The following ITGA6 variants were observed in gnomAD, a reference collection of about 807,000 sequenced individuals.
The protein encoded by ITGA6 is integrin alpha-6.
In ITGA6, 63 loss-of-function variants were observed where a neutral mutation model predicts 133.6. The observed-to-expected ratio is 0.47, with a 90% CI of 0.38 to 0.58. The LOEUF (loss-of-function observed/expected upper bound fraction) is 0.58. Among genes scored for constraint, ITGA6 ranks in the 20% least tolerant of loss-of-function variants. The pLI, the probability that ITGA6 is intolerant of heterozygous loss-of-function variation, is 0.00. For synonymous variants in ITGA6, 434 were observed against 482.0 expected (o/e 0.90, Z 1.30); for missense variants, 1,068 against 1,309.4 (o/e 0.82, Z 2.85).
chr2:172,476,606 C>T, intron 9 of ITGA6, 93 bp downstream of exon 9: 1 of 794,604 alleles, frequency 1.3e-6, no homozygotes, highest in Non-Finnish European at 2.3e-6. Flanking sequence ...CATACCTATA[C>T]TTCAAAGGTT....
At chr2:172,498,825 T>A (rs1046884182) in intron 24 of ITGA6, among the ~76,000 whole-genome samples, 19 of 152,306 alleles carry the variant, frequency 1.2e-4, no homozygotes, top group African/African-American at 3.4e-4. Context: ...TATCTGCCAT[T>A]CCAAAAAGCT....
At chr2:172,494,943 T>TAAATTCAGAGAACAACTTA (rs960664139) in intron 23 of ITGA6, among the ~76,000 whole-genome samples, 1 of 152,254 alleles carries the variant, frequency 6.6e-6, no homozygotes, top group African/African-American at 2.4e-5. Context: ...CTTTTGGCTC[T>TAAATTCAGAGAACAACTTA]AAATTCAGAG....
At chr2:172,443,883 T>TC (rs1684642396) in intron 1 of ITGA6, among the ~76,000 whole-genome samples, 1 of 152,166 alleles carries the variant, frequency 6.6e-6, no homozygotes, top group African/African-American at 2.4e-5. Context: ...CAGGTGATCC[T>TC]CCCGCCTCGG....
At chr2:172,450,897 ATATATT>A (rs1389731223) in intron 1 of ITGA6, among the ~76,000 whole-genome samples, 3 of 147,030 alleles carry the variant, frequency 2.0e-5, no homozygotes, top group Non-Finnish European at 4.5e-5. Context: ...ATATACAAAT[ATATATT>A]TATATTATAT....
At chr2:172,483,563 A>G (rs1686539978) in intron 11 of ITGA6, among the ~76,000 whole-genome samples, 1 of 152,174 alleles carries the variant, frequency 6.6e-6, no homozygotes, top group Non-Finnish European at 1.5e-5. Flanking sequence ...GTATTGGCCC[A>G]TGAAAAACAA....
chr2:172,470,075 G>C (rs183731918), intron 4 of ITGA6, among the ~76,000 whole-genome samples: 291 of 152,254 alleles, frequency 1.9e-3, no homozygotes, highest in Non-Finnish European at 3.2e-3. Context: ...ATCTGATTTG[G>C]AAATAAGCCA....
intron 5 of ITGA6, chr2:172,472,649 A>G (rs1205844458): frequency 3.1e-6 from 2 of 646,222 alleles, no homozygotes; most frequent in South Asian, 3.6e-5. Context: ...GAAGCTGGCA[A>G]TGAGAGCAGC....
chr2:172,437,006 G>C (rs1227292753), intron 1 of ITGA6, among the ~76,000 whole-genome samples: 1 of 152,142 alleles, frequency 6.6e-6, no homozygotes, highest in African/African-American at 2.4e-5. Context: ...GGGCTGCCTG[G>C]GAAGACTTTG....
chr2:172,499,930 TTTTG>T (rs1293004233), intron 24 of ITGA6, among the ~76,000 whole-genome samples: 1 of 96,314 alleles, frequency 1.0e-5, no homozygotes, highest in Non-Finnish European at 1.8e-5. Context: ...GGAGTTTTTG[TTTTG>T]TTTTTGTTTT....
intron 9 of ITGA6, among the ~76,000 whole-genome samples, chr2:172,479,037 A>G (rs772940977): frequency 2.6e-5 from 4 of 152,226 alleles, no homozygotes; most frequent in Non-Finnish European, 5.9e-5. Context: ...AATTTATCCC[A>G]CAGATAAACT....
intron 1 of ITGA6, among the ~76,000 whole-genome samples, chr2:172,445,345 T>C (rs1370283763): frequency 6.7e-6 from 1 of 149,420 alleles, no homozygotes; most frequent in Non-Finnish European, 1.5e-5. Flanking sequence ...TTTCTTTTTT[T>C]TTTTTTAACA....
intron 13 of ITGA6, among the ~76,000 whole-genome samples, chr2:172,486,016 A>C (rs1375560315): frequency 2.0e-5 from 3 of 152,070 alleles, no homozygotes; most frequent in South Asian, 2.1e-4. Context: ...GTCTCTAGTG[A>C]AAATACAAAA....
chr2:172,490,220 A>G (rs1686861967), intron 20 of ITGA6, among the ~76,000 whole-genome samples: 1 of 152,198 alleles, frequency 6.6e-6, no homozygotes, highest in Admixed American at 6.5e-5. Context: ...AGATGAGGAC[A>G]TTAAGATTCA....
At chr2:172,461,441 C>T (rs577359765) in intron 1 of ITGA6, among the ~76,000 whole-genome samples, 5 of 152,314 alleles carry the variant, frequency 3.3e-5, no homozygotes, top group African/African-American at 1.2e-4. Context: ...CTTGCCTTGA[C>T]CGCATATGGG....
At position 172,445,385 on chromosome 2, in the gene ITGA6, C is replaced by T. The variant is rs1684720799; in HGVS notation, c.182+17415C>T. On this transcript the variant is annotated intron_variant, in intron 1 of 25. Coordinates refer to ENST00000684293, the MANE Select transcript of ITGA6 (RefSeq NM_000210.4). ...AAAAAAAAGGCCGGGCGCGGTGGCT[C>T]ACGCCTGTAATCCCAGCACTTTGGG... 2.8e-5 allele frequency among the ~76,000 whole-genome samples: 4 copies of T among 145,020 alleles called. No homozygotes were observed. The South Asian group carries it at 6.5e-4, about 24-fold the overall frequency.
At chr2:172,476,350 C>G (rs1288262221) in intron 8 of ITGA6, 45 bp from the exon 9 acceptor site, 3 of 1,003,240 alleles carry the variant, frequency 3.0e-6, no homozygotes, top group Non-Finnish European at 4.8e-6. Context: ...TTAAGAAGCT[C>G]ATGGTGATAA....
At chr2:172,483,993 T>C (rs1413401473) in intron 11 of ITGA6, among the ~76,000 whole-genome samples, 1 of 152,142 alleles carries the variant, frequency 6.6e-6, no homozygotes, top group Non-Finnish European at 1.5e-5. Flanking sequence ...GTATTTTTAG[T>C]AGAGACAGGA....
At chr2:172,450,992 TAC>T (rs1684972203) in intron 1 of ITGA6, among the ~76,000 whole-genome samples, 1 of 148,284 alleles carries the variant, frequency 6.7e-6, no homozygotes, top group Non-Finnish European at 1.5e-5. Flanking sequence ...TGTATATATA[TAC>T]ACACACAAAA....
chr2:172,501,356 TTTA>T (rs1687340429), intron 24 of ITGA6, among the ~76,000 whole-genome samples: 1 of 152,214 alleles, frequency 6.6e-6, no homozygotes, highest in South Asian at 2.1e-4. Context: ...GATTTGTGCT[TTTA>T]TTTAGAGAAT....
Sources: gnomAD v4.1 joint callset for allele counts (sites outside exome capture counted in the v4.1 genomes callset) on GRCh38, gnomAD v4.1.1 for gene constraint, MANE v1.5 for transcripts, NCBI Gene and HGNC (gene_info 2026-07-23, HGNC 2026-07-21) for gene names.